Variants in HK2 observed in about 807,000 individuals in gnomAD.
The protein encoded by HK2 is hexokinase 2, also known as hexokinase-2.
Under a neutral mutation model 92.9 loss-of-function variants are expected in HK2, and 42 were observed. The ratio of observed to expected loss-of-function variants is 0.45; its 90% CI spans 0.35 to 0.58. The LOEUF is 0.58. Ranked by LOEUF, HK2 falls within the 20% of genes least tolerant of loss-of-function variation. The probability of loss-of-function intolerance (pLI) is 0.00; values close to 1 mark genes in which losing one functional copy is unlikely to be tolerated. For missense variants in HK2, 978 were observed against 1,245.1 expected, an observed-to-expected ratio of 0.79 and a Z score of 3.23; for synonymous variants, 422 against 468.0, an observed-to-expected ratio of 0.90 and a Z score of 1.27.
Position 74,886,366 on chromosome 2 carries a change from C to G in HK2, c.2008C>G (p.Pro670Ala), listed in dbSNP as rs1689537562. 4 of 1,614,028 alleles carry G rather than the reference C, an allele frequency of 2.5e-6. No homozygotes were observed. The highest frequency in any genetic ancestry group is 3.4e-6 in the Non-Finnish European group (4 of 1,180,004). The change falls in exon 14 of 18, where the codon CCT becomes GCT. Residue 670 changes from proline to alanine, a missense_variant. Physicochemically the swap from Pro to Ala is conservative, Grantham distance 27. Coordinates refer to ENST00000290573, the MANE Select transcript of HK2 (RefSeq NM_000189.5). ...TATGATGACCTGTGGCTTTGAAGAC[C>G]CTCACTGTGAAGTTGGCCTCATTGT... Reference protein sequence around the residue: ...GTMMTCGFEDPHCEVGLIVGT... With the variant: ...GTMMTCGFEDAHCEVGLIVGT...
At chr2:74,860,711 C>T (rs1688805726) in intron 2 of HK2, among the ~76,000 whole-genome samples, 1 of 152,116 alleles carries the variant, frequency 6.6e-6, no homozygotes, top group Non-Finnish European at 1.5e-5. Context: ...ATTGCACAAG[C>T]CCTTTTGTGG....
At chr2:74,890,522 A>G (rs912102174) in intron 17 of HK2, among the ~76,000 whole-genome samples, 46 of 152,212 alleles carry the variant, frequency 3.0e-4, no homozygotes, top group African/African-American at 1.1e-3. Context: ...ACAGTTTGCC[A>G]GGATCTCAGA....
At position 74,867,610 on chromosome 2, in the gene HK2, A is replaced by G. The variant is rs187858347; in HGVS notation, c.227-26A>G. ...TCCTGGAAGAATTTTGCCCAAAATT[A>G]ATAGTGGCCCTTCCTTTCTCTGCAG... is the stretch of plus-strand genomic sequence containing the variant. On this transcript the variant is annotated intron_variant, in intron 2 of 17. Transcript: ENST00000290573. 22 of 1,612,128 alleles carry G rather than the reference A, an allele frequency of 1.4e-5. No individual in the cohort carries two copies. The East Asian group carries it at 4.9e-4, about 36-fold the overall frequency.
intron 12 of HK2, among the ~76,000 whole-genome samples, chr2:74,884,398 G>A (rs552220897): frequency 2.6e-5 from 4 of 152,350 alleles, no homozygotes; most frequent in African/African-American, 7.2e-5. Flanking sequence ...TTTCCCAGCT[G>A]TTGGGCCTCC....
At chr2:74,887,783 C>G in intron 15 of HK2, 120 bp from the exon 16 acceptor site, 1 of 879,694 alleles carries the variant, frequency 1.1e-6, no homozygotes, top group East Asian at 2.4e-5. Context: ...CCTTTCCCAT[C>G]AGGGGAGTCT....
At chr2:74,849,940 C>T (rs1353410074) in intron 1 of HK2, among the ~76,000 whole-genome samples, 1 of 152,242 alleles carries the variant, frequency 6.6e-6, no homozygotes, top group African/African-American at 2.4e-5. Context: ...AATGAGTCTG[C>T]TTTGATAGTA....
chr2:74,889,206 G>A (rs1416266442), intron 16 of HK2, 39 bp from the exon 17 acceptor site: 19 of 1,541,266 alleles, frequency 1.2e-5, no homozygotes, highest in Non-Finnish European at 1.6e-5. Context: ...AGCCTTCTTG[G>A]TGCATGACTG....
At chr2:74,867,292 A>G (rs1688976678) in intron 2 of HK2, among the ~76,000 whole-genome samples, 1 of 152,164 alleles carries the variant, frequency 6.6e-6, no homozygotes, top group African/African-American at 2.4e-5. Context: ...CAAACATCAT[A>G]TGTTCTCACT....
intron 12 of HK2, among the ~76,000 whole-genome samples, chr2:74,884,525 A>G (rs920801147): frequency 6.6e-6 from 1 of 152,222 alleles, no homozygotes; most frequent in Admixed American, 6.5e-5. Flanking sequence ...ATCAGCACAC[A>G]CTGGTCAGCC....
rs573140147 is a variant in HK2 at position 74,891,805 on chromosome 2, C to G, written c.*864C>G. On this transcript the variant is annotated 3_prime_UTR_variant, in exon 18 of 18. Coordinates refer to ENST00000290573, the MANE Select transcript of HK2 (RefSeq NM_000189.5). ...GACATGTAATGAATGGTCAGTTGTA[C>G]GTAATGTATTTATATGTTAATTTGT... 1 of 152,362 alleles carries G rather than the reference C, an allele frequency of 6.6e-6. No individual in the cohort carries two copies. The highest frequency in any genetic ancestry group is 6.6e-5 in the Admixed American group (1 of 15,262). 9.4% of individuals were successfully genotyped at this position (152,362 alleles called of 1,614,324 possible).
In HK2 at chr2:74,857,778, A is replaced by T. The variant is rs553228162; in HGVS notation, c.226+3323A>T. On this transcript the variant is annotated intron_variant, in intron 2 of 17. Transcript: ENST00000290573. ...GAAAATAGGTGACTCCTAAGTTGAT[A>T]CAGACTATCAAAAATGAAAATTCTC... Among the ~76,000 whole-genome samples the T allele has an allele frequency of 3.3e-5, 5 of 152,344 alleles. No individual in the cohort carries two copies. In the South Asian group the frequency reaches 1.0e-3, roughly 32 times the overall value.
chr2:74,848,769 C>T (rs1688500260), intron 1 of HK2, among the ~76,000 whole-genome samples: 1 of 152,178 alleles, frequency 6.6e-6, no homozygotes, highest in Non-Finnish European at 1.5e-5. Context: ...GCCAGGTTCC[C>T]ACAGGGACCA....
intron 12 of HK2, 80 bp from the exon 13 acceptor site, chr2:74,885,414 C>G: frequency 3.2e-6 from 3 of 945,532 alleles, no homozygotes; most frequent in Non-Finnish European, 5.2e-6. Flanking sequence ...AGGTTGAGAG[C>G]TAGAAGCACA....
intron 17 of HK2, among the ~76,000 whole-genome samples, chr2:74,890,178 G>A (rs1287524781): frequency 6.6e-6 from 1 of 152,182 alleles, no homozygotes; most frequent in African/African-American, 2.4e-5. Context: ...CCAACCCTGG[G>A]ACATGGCATC....
intron 3 of HK2, among the ~76,000 whole-genome samples, chr2:74,869,774 G>A (rs975486293): frequency 3.3e-5 from 5 of 152,138 alleles, no homozygotes; most frequent in East Asian, 1.9e-4. Context: ...CAAAGAGAAC[G>A]AGATTGTCTT....
intron 2 of HK2, among the ~76,000 whole-genome samples, chr2:74,855,080 T>G (rs1185122373): frequency 2.0e-5 from 3 of 152,212 alleles, no homozygotes; most frequent in Admixed American, 2.0e-4. Flanking sequence ...CACCGCAACC[T>G]CCGCCTCCTG....
intron 1 of HK2, among the ~76,000 whole-genome samples, chr2:74,854,052 T>G (rs1214877307): frequency 6.6e-6 from 1 of 152,124 alleles, no homozygotes; most frequent in African/African-American, 2.4e-5. Context: ...CTAATAGGCC[T>G]TTCCTCAGGT....
chr2:74,870,735 T>C lies in HK2; in HGVS notation c.376-1565T>C, dbSNP rs192822970. 9.4e-4 allele frequency among the ~76,000 whole-genome samples: 143 copies of C among 152,314 alleles called. 1 individual carries two copies. The highest frequency in any genetic ancestry group is 3.4e-3 in the African/African-American group (141 of 41,562). Reference sequence around the variant, plus strand: ...ATCCCTATTTTCATGTTAAAATACTTGAACTCTGTTCAAGGGAGTTGGCTC... The same window carrying C: ...ATCCCTATTTTCATGTTAAAATACTCGAACTCTGTTCAAGGGAGTTGGCTC... On this transcript the variant is annotated intron_variant, in intron 3 of 17. Coordinates refer to ENST00000290573, the MANE Select transcript of HK2 (RefSeq NM_000189.5).
intron 2 of HK2, 64 bp from the exon 3 acceptor site, chr2:74,867,572 A>C: frequency 1.1e-5 from 17 of 1,593,460 alleles, no homozygotes; most frequent in Non-Finnish European, 1.5e-5. Context: ...TGGAGTTTTA[A>C]GTCTCGGTTG....
Sources: gnomAD v4.1 joint callset for allele counts (sites outside exome capture counted in the v4.1 genomes callset) on GRCh38, gnomAD v4.1.1 for gene constraint, MANE v1.5 for transcripts, NCBI Gene and HGNC (gene_info 2026-07-23, HGNC 2026-07-21) for gene names.